The following ABCD3 variants were observed in gnomAD, a reference collection of about 807,000 sequenced individuals.
ABCD3 encodes the protein ATP binding cassette subfamily D member 3.
In ABCD3, 41 loss-of-function variants were observed where a neutral mutation model predicts 105.5. The observed-to-expected ratio is 0.39, with a 90% confidence interval of 0.30 to 0.50. The LOEUF (loss-of-function observed/expected upper bound fraction) is 0.50. Ranked by LOEUF, ABCD3 falls within the 20% of genes least tolerant of loss-of-function variation. The pLI is 0.84. For missense variants in ABCD3, 622 were observed against 806.3 expected (o/e 0.77, Z 2.77); for synonymous variants, 258 against 269.0 (o/e 0.96, Z 0.40).
At position 94,498,781 on chromosome 1, in the gene ABCD3, A is replaced by C; in HGVS notation, c.1465-2A>C. The stretch of plus-strand genomic sequence containing the variant: ...TTCTTCTCCCTTCTCTCTCTTTAAT[A>C]GTTATGGCCTCTTTTTGGAGGACGT... On this transcript the variant is annotated splice_acceptor_variant, in intron 17 of 22. Transcript: ENST00000370214. LOFTEE classifies it high-confidence loss of function. 1 of 1,613,742 alleles carries C rather than the reference A, an allele frequency of 6.2e-7. No homozygotes were observed. The highest frequency in any genetic ancestry group is 8.5e-7 in the Non-Finnish European group (1 of 1,179,782).
At chr1:94,458,287 G>A (rs1647687416) in intron 1 of ABCD3, among the ~76,000 whole-genome samples, 1 of 152,116 alleles carries the variant, frequency 6.6e-6, no homozygotes, top group Non-Finnish European at 1.5e-5. Context: ...CGGTTTACAT[G>A]GCCAAGCTAT....
At position 94,504,664 on chromosome 1, in the gene ABCD3, G is replaced by A. The variant is rs537582467; in HGVS notation, c.1741-1874G>A. On this transcript the variant is annotated intron_variant, in intron 20 of 22. Coordinates refer to ENST00000370214, the MANE Select transcript of ABCD3 (RefSeq NM_002858.4). ...TAAGATTGTGCAGGTCTTGTAGACT[G>A]TGGTAAGGAGTTTGAGTTTTAAGTG... is the stretch of plus-strand genomic sequence containing the variant. Among the ~76,000 whole-genome samples the A allele has an allele frequency of 1.8e-4, 28 of 152,314 alleles. No homozygotes were observed. The East Asian group carries it at 3.7e-3, about 20-fold the overall frequency.
intron 20 of ABCD3, among the ~76,000 whole-genome samples, chr1:94,500,034 A>T (rs1650015037): frequency 6.6e-6 from 1 of 152,090 alleles, no homozygotes; most frequent in African/African-American, 2.4e-5. Flanking sequence ...ATCCATTCAA[A>T]TTTTATCTTT....
chr1:94,389,483 C>T, the ABCD3 span, among the ~76,000 whole-genome samples: 4 of 152,216 alleles, frequency 2.6e-5, no homozygotes, highest in Admixed American at 2.0e-4. Context: ...AGGACATGTT[C>T]CTGCTGCAGA....
At chr1:94,505,795 GTCT>G (rs1650323549) in intron 20 of ABCD3, among the ~76,000 whole-genome samples, 1 of 152,116 alleles carries the variant, frequency 6.6e-6, no homozygotes, top group Non-Finnish European at 1.5e-5. Flanking sequence ...GGATGGAGTG[GTCT>G]TCTAAAGAGA....
chr1:94,395,730 G>T, the ABCD3 span, among the ~76,000 whole-genome samples: 2 of 152,112 alleles, frequency 1.3e-5, no homozygotes, highest in African/African-American at 4.8e-5. Context: ...TGCTGTTTTT[G>T]CCATTAAAAT....
chr1:94,453,594 A>G (rs1054497994), intron 1 of ABCD3, among the ~76,000 whole-genome samples: 1 of 152,060 alleles, frequency 6.6e-6, no homozygotes, highest in Non-Finnish European at 1.5e-5. Context: ...CTGGGATTAC[A>G]GGCGTGAGCC....
chr1:94,438,973 ACT>A (rs1660034921), intron 1 of ABCD3, among the ~76,000 whole-genome samples: 2 of 151,780 alleles, frequency 1.3e-5, no homozygotes, highest in Non-Finnish European at 2.9e-5. Context: ...TTCCCTTTTA[ACT>A]CTCATTTATT....
chr1:94,495,012 C>T (rs1163193381), intron 16 of ABCD3, among the ~76,000 whole-genome samples: 1 of 152,016 alleles, frequency 6.6e-6, no homozygotes, highest in Non-Finnish European at 1.5e-5. Context: ...GCCAGTGAGG[C>T]AGAGGTTGCA....
intron 1 of ABCD3, among the ~76,000 whole-genome samples, chr1:94,439,682 A>G (rs1310992324): frequency 1.3e-5 from 2 of 152,226 alleles, no homozygotes; most frequent in Non-Finnish European, 2.9e-5. Flanking sequence ...ATATTTGTAT[A>G]TAATTTGTAT....
chr1:94,436,156 G>A lies in ABCD3; in HGVS notation c.110+17568G>A, dbSNP rs181551828. ...ATTTAGGGATGCTCATTGCTACTAG[G>A]TTGGCAGTTGTTTCTAGGCTTTTCT... On this transcript the variant is annotated intron_variant, in intron 1 of 22. Coordinates refer to ENST00000370214, the MANE Select transcript of ABCD3 (RefSeq NM_002858.4). Among the ~76,000 whole-genome samples, 799 of 152,246 alleles carry A rather than the reference G, an allele frequency of 5.2e-3. 3 individuals are homozygous for A. Among genetic ancestry groups the A allele is most frequent in the Non-Finnish European group, 9.1e-3 (622 of 68,022 alleles).
rs189603816 is a variant in ABCD3, at chr1:94,465,230, C to T, written c.246+357C>T. ...AAACACCTCCCACCAGGCCCCACCT[C>T]CAACACTGGGGATTACATTTCAACA... is the stretch of plus-strand genomic sequence containing the variant. On this transcript the variant is annotated intron_variant, in intron 3 of 22. Coordinates refer to ENST00000370214, the MANE Select transcript of ABCD3 (RefSeq NM_002858.4). Among the ~76,000 whole-genome samples the T allele has an allele frequency of 3.2e-3, 483 of 152,294 alleles. 2 individuals carry two copies. The highest frequency in any genetic ancestry group is 0.011 in the African/African-American group (463 of 41,566).
chr1:94,498,310 G>T (rs186184617), intron 16 of ABCD3, among the ~76,000 whole-genome samples: 2 of 151,878 alleles, frequency 1.3e-5, no homozygotes. Context: ...AGTTTCAAGC[G>T]ATCCTCCTGC....
chr1:94,430,963 C>CT (rs1239470779), intron 1 of ABCD3, among the ~76,000 whole-genome samples: 1 of 152,142 alleles, frequency 6.6e-6, no homozygotes, highest in African/African-American at 2.4e-5. Flanking sequence ...TTTATTGATT[C>CT]TAAGATGCAC....
intron 1 of ABCD3, among the ~76,000 whole-genome samples, chr1:94,426,380 T>C (rs1298238720): frequency 6.6e-6 from 1 of 152,194 alleles, no homozygotes; most frequent in Non-Finnish European, 1.5e-5. Context: ...AGCAGAGAAC[T>C]GTGACCTACC....
At chr1:94,386,663 A>G in the ABCD3 span, among the ~76,000 whole-genome samples, 1 of 152,210 alleles carries the variant, frequency 6.6e-6, no homozygotes, top group Non-Finnish European at 1.5e-5. Flanking sequence ...AATCCTTTGT[A>G]GTCAATATGA....
At chr1:94,404,007 C>G in the ABCD3 span, among the ~76,000 whole-genome samples, 2 of 152,062 alleles carry the variant, frequency 1.3e-5, no homozygotes, top group African/African-American at 4.8e-5. Flanking sequence ...CAAATGTATA[C>G]CTGTAAGTAC....
chr1:94,386,023 G>GTTTCTTTCTTTCTTTCTTTCTTTC, the ABCD3 span, among the ~76,000 whole-genome samples: 3 of 151,406 alleles, frequency 2.0e-5, no homozygotes, highest in African/African-American at 7.3e-5. Context: ...TTTAGAATCT[G>GTTTCTTTCTTTCTTTCTTTCTTTC]TTTCTTTCTT....
chr1:94,517,008 T>G (rs759610860), intron 22 of ABCD3, 44 bp from the exon 23 acceptor site: 29 of 1,295,894 alleles, frequency 2.2e-5, no homozygotes, highest in Middle Eastern at 1.8e-4. Context: ...CAGTACTATA[T>G]TCACTCTTAG....
Sources: allele counts gnomAD v4.1 joint callset (sites outside exome capture counted in the v4.1 genomes callset), GRCh38; gene constraint gnomAD v4.1.1; transcripts MANE v1.5; gene names NCBI Gene and HGNC (gene_info 2026-07-23, HGNC 2026-07-21).